The following LIMD1 variants were observed in gnomAD, a reference collection of about 807,000 sequenced individuals.
LIMD1 encodes LIM domain containing 1.
A neutral mutation model predicts 58.4 loss-of-function variants in LIMD1; 23 were observed. The observed-to-expected ratio is 0.39, with a 90% CI of 0.28 to 0.56. LIMD1 has a LOEUF of 0.56. Among genes scored for constraint, LIMD1 ranks in the 20% least tolerant of loss-of-function variants. LIMD1 has a pLI of 0.57. For synonymous variants in LIMD1, 334 were observed against 345.5 expected (o/e 0.97, Z 0.37); for missense variants, 838 against 855.5 (o/e 0.98, Z 0.25).
At chr3:45,622,385 C>T (rs1367772485) in intron 1 of LIMD1, among the ~76,000 whole-genome samples, 2 of 152,336 alleles carry the variant, frequency 1.3e-5, no homozygotes, top group East Asian at 3.9e-4. Context: ...GTGGGTAGTA[C>T]TGAACCCTAT....
At chr3:45,670,402 C>T (rs1471961079) in intron 4 of LIMD1, among the ~76,000 whole-genome samples, 1 of 152,112 alleles carries the variant, frequency 6.6e-6, no homozygotes, top group Non-Finnish European at 1.5e-5. Context: ...CATCATGCTT[C>T]ATGCTGTGGG....
At chr3:45,658,535 C>CTTTTTTTTTTTTTTTTTTT (rs10572210) in intron 2 of LIMD1, among the ~76,000 whole-genome samples, 9 of 44,754 alleles carry the variant, frequency 2.0e-4, no homozygotes, top group Non-Finnish European at 4.1e-4. Flanking sequence ...CATGCAGATT[C>CTTTTTTTTTTTTTTTTTTT]TTTTTTTTTT....
At position 45,663,868 on chromosome 3, in the gene LIMD1, A is replaced by ATTTTTTTTTTTTT. The variant is rs553757543; in HGVS notation, c.1511-1774_1511-1762dup. Reference sequence around the variant, plus strand: ...TAGTGCGTGGCACCATGCCTGGCTAATTTTTTTTTTTTTTTTTTTTGAGAC... The same window carrying ATTTTTTTTTTTTT: ...TAGTGCGTGGCACCATGCCTGGCTAATTTTTTTTTTTTTTTTTTTTTTTTTTTTTTTTTGAGAC... On this transcript the variant is annotated intron_variant, in intron 2 of 7. Coordinates refer to ENST00000273317, the MANE Select transcript of LIMD1 (RefSeq NM_014240.3). 1.8e-4 allele frequency among the ~76,000 whole-genome samples: 19 copies of ATTTTTTTTTTTTT among 102,850 alleles called. 2 individuals carry two copies. The highest frequency in any genetic ancestry group is 6.4e-4 in the African/African-American group (15 of 23,346). 67.5% of individuals were successfully genotyped at this position (102,850 alleles called of 152,430 possible).
chr3:45,633,026 A>G (rs1030239320), intron 1 of LIMD1, among the ~76,000 whole-genome samples: 4 of 152,222 alleles, frequency 2.6e-5, no homozygotes, highest in South Asian at 2.1e-4. Flanking sequence ...TGTATTTTCT[A>G]CCTTGAGAGC....
intron 2 of LIMD1, among the ~76,000 whole-genome samples, chr3:45,661,306 T>C (rs1559524800): frequency 6.6e-6 from 1 of 152,242 alleles, no homozygotes; most frequent in African/African-American, 2.4e-5. Flanking sequence ...GTACACATAA[T>C]TTTGTCATCA....
intron 1 of LIMD1, among the ~76,000 whole-genome samples, chr3:45,621,068 T>C (rs1327615309): frequency 2.6e-5 from 4 of 152,136 alleles, no homozygotes; most frequent in Non-Finnish European, 4.4e-5. Flanking sequence ...GCATGCAAGA[T>C]AATTGGCCTA....
chr3:45,612,738 C>T (rs1016201700), intron 1 of LIMD1, among the ~76,000 whole-genome samples: 5 of 152,120 alleles, frequency 3.3e-5, no homozygotes, highest in African/African-American at 1.2e-4. Flanking sequence ...TAGTTTTGCC[C>T]ATTCTAAGAT....
At chr3:45,608,839 CAAAA>C (rs60750700) in intron 1 of LIMD1, among the ~76,000 whole-genome samples, 6 of 102,980 alleles carry the variant, frequency 5.8e-5, no homozygotes, top group Admixed American at 1.1e-4. Context: ...GACTCGGTAT[CAAAA>C]AAAAAAAAAA....
intron 2 of LIMD1, among the ~76,000 whole-genome samples, chr3:45,645,887 C>T (rs975699301): frequency 2.6e-5 from 4 of 152,178 alleles, no homozygotes; most frequent in African/African-American, 9.6e-5. Flanking sequence ...TTGTTTGCAC[C>T]CATAGTTGCC....
intron 1 of LIMD1, among the ~76,000 whole-genome samples, chr3:45,628,100 GGT>G (rs1701684862): frequency 6.6e-6 from 1 of 152,062 alleles, no homozygotes; most frequent in Non-Finnish European, 1.5e-5. Flanking sequence ...AAGCAAATGA[GGT>G]GAGCCCAGTG....
At chr3:45,628,944 A>G (rs1559518280) in intron 1 of LIMD1, among the ~76,000 whole-genome samples, 1 of 152,240 alleles carries the variant, frequency 6.6e-6, no homozygotes, top group Non-Finnish European at 1.5e-5. Flanking sequence ...GATTCCATTT[A>G]TATAAACTAG....
chr3:45,661,568 G>A (rs1319143160), intron 2 of LIMD1, among the ~76,000 whole-genome samples: 1 of 152,114 alleles, frequency 6.6e-6, no homozygotes. Context: ...GAATTTTTGG[G>A]GAGAAAATAT....
At chr3:45,669,728 C>A (rs759422814) in intron 4 of LIMD1, among the ~76,000 whole-genome samples, 10 of 152,330 alleles carry the variant, frequency 6.6e-5, no homozygotes, top group Admixed American at 1.3e-4. Context: ...TTCATCCATG[C>A]TGTTACCTGT....
intron 2 of LIMD1, among the ~76,000 whole-genome samples, chr3:45,645,742 T>C (rs1413380086): frequency 6.6e-6 from 1 of 152,176 alleles, no homozygotes. Flanking sequence ...TGTGGCCCTC[T>C]CATCTCACTG....
chr3:45,605,816 C>T (rs906909538), intron 1 of LIMD1, among the ~76,000 whole-genome samples: 3 of 152,154 alleles, frequency 2.0e-5, no homozygotes, highest in Admixed American at 6.5e-5. Flanking sequence ...TTGTTTGTAC[C>T]GGCATGACCC....
At chr3:45,619,203 G>A (rs933141257) in intron 1 of LIMD1, among the ~76,000 whole-genome samples, 3 of 151,892 alleles carry the variant, frequency 2.0e-5, no homozygotes, top group African/African-American at 7.3e-5. Flanking sequence ...TAGAGACAGA[G>A]TCTTACTATA....
At chr3:45,663,141 T>C (rs1193525912) in intron 2 of LIMD1, among the ~76,000 whole-genome samples, 1 of 152,252 alleles carries the variant, frequency 6.6e-6, no homozygotes, top group African/African-American at 2.4e-5. Context: ...AGCCCTTTCA[T>C]TTTGACTGCT....
intron 1 of LIMD1, among the ~76,000 whole-genome samples, chr3:45,627,070 C>G (rs905633537): frequency 6.6e-6 from 1 of 152,102 alleles, no homozygotes. Flanking sequence ...AGGAGAGGCC[C>G]TGGGCACACA....
intron 1 of LIMD1, among the ~76,000 whole-genome samples, chr3:45,610,583 T>C (rs1701513882): frequency 1.3e-5 from 2 of 152,172 alleles, no homozygotes; most frequent in Admixed American, 1.3e-4. Flanking sequence ...TTTGAGGAGC[T>C]GTTGGTGGGA....
Sources: allele counts gnomAD v4.1 joint callset (sites outside exome capture counted in the v4.1 genomes callset), GRCh38; gene constraint gnomAD v4.1.1; transcripts MANE v1.5; gene names NCBI Gene and HGNC (gene_info 2026-07-23, HGNC 2026-07-21).